TTLL11: variants seen among roughly 807,000 people sequenced by gnomAD.
TTLL11 encodes the protein tubulin polyglutamylase TTLL11.
In TTLL11, 42 loss-of-function variants were observed where a neutral mutation model predicts 51.7. The observed-to-expected ratio is 0.81, with a 90% CI of 0.64 to 1.05. The LOEUF is 1.05. TTLL11 is among the 50% of genes least tolerant of loss of function. The probability of loss-of-function intolerance (pLI) is 0.00; values close to 1 mark genes in which losing one functional copy is unlikely to be tolerated. For synonymous variants in TTLL11, 381 were observed against 383.5 expected (o/e 0.99, Z 0.08); for missense variants, 799 against 940.4 (o/e 0.85, Z 1.97).
At chr9:122,013,488 G>A (rs867290345) in intron 3 of TTLL11, among the ~76,000 whole-genome samples, 4 of 152,168 alleles carry the variant, frequency 2.6e-5, no homozygotes, top group African/African-American at 4.8e-5. Flanking sequence ...AGGAAATGGC[G>A]GCAAGGGCAA....
chr9:121,816,660 ATG>A lies in TTLL11; in HGVS notation c.*5925_*5926del, dbSNP rs1319812211. 7.7e-6 allele frequency: 1 copy of A among 130,572 alleles called. No homozygotes were observed. 8.1% of individuals were successfully genotyped at this position (130,572 alleles called of 1,614,324 possible). A position where few individuals can be genotyped will look rare whatever the true frequency, so the allele number is the denominator to read the frequency against. On this transcript the variant is annotated 3_prime_UTR_variant, in exon 9 of 9. Coordinates refer to ENST00000321582, the MANE Select transcript of TTLL11 (RefSeq NM_001139442.2). ...TGTGCGCGCACATGCGTGTGTGTGC[ATG>A]TGTGCGTGTGTGCATGCGTGTGCAT...
chr9:122,062,603 G>A (rs1360243507), intron 1 of TTLL11, among the ~76,000 whole-genome samples: 1 of 150,650 alleles, frequency 6.6e-6, no homozygotes, highest in Non-Finnish European at 1.5e-5. Flanking sequence ...CAAGTAGCTG[G>A]GTTTACAGGC....
chr9:121,926,991 G>A (rs752900185), intron 6 of TTLL11, among the ~76,000 whole-genome samples: 4 of 152,056 alleles, frequency 2.6e-5, no homozygotes, highest in Admixed American at 6.5e-5. Flanking sequence ...AGGAGCTCTC[G>A]GGCCCCTTTT....
At chr9:121,938,718 T>C (rs897558613) in intron 6 of TTLL11, among the ~76,000 whole-genome samples, 3 of 152,214 alleles carry the variant, frequency 2.0e-5, no homozygotes, top group African/African-American at 7.2e-5. Flanking sequence ...ACCTCATTAA[T>C]GATCACAAGA....
At chr9:121,960,001 T>C (rs1479446760) in intron 6 of TTLL11, among the ~76,000 whole-genome samples, 4 of 152,050 alleles carry the variant, frequency 2.6e-5, no homozygotes, top group Admixed American at 6.5e-5. Context: ...AGCCACCACC[T>C]GGGTTAAGAA....
At chr9:121,842,534 G>A (rs942072990) in intron 8 of TTLL11, among the ~76,000 whole-genome samples, 3 of 152,222 alleles carry the variant, frequency 2.0e-5, no homozygotes, top group Non-Finnish European at 4.4e-5. Context: ...GCCTCCCAAA[G>A]TACAGGCATG....
chr9:121,886,035 T>C (rs1303362882), intron 6 of TTLL11, among the ~76,000 whole-genome samples: 3 of 152,186 alleles, frequency 2.0e-5, no homozygotes, highest in African/African-American at 7.2e-5. Flanking sequence ...AGCCTATAAC[T>C]TTCTTAGGAA....
In TTLL11 at chr9:121,822,488, GGCAGCCTGCCTGCCAT is replaced by G; in HGVS notation, c.*83_*98del. On this transcript the variant is annotated 3_prime_UTR_variant, in exon 9 of 9. Transcript: ENST00000321582. The surrounding 1 kb of genome is among the most constrained non-coding windows in gnomAD (Gnocchi z 5.8). Reference sequence around the variant, plus strand: ...CGTGGGGACCTCAGCTGGGCCCCTCGGCAGCCTGCCTGCCATTCCTCTGCAGGCAGAATGCCTGGGG... The same window carrying G: ...CGTGGGGACCTCAGCTGGGCCCCTCGTCCTCTGCAGGCAGAATGCCTGGGG... 8.2e-7 allele frequency: 1 copy of G among 1,216,620 alleles called. No homozygotes were observed. The highest frequency in any genetic ancestry group is 1.1e-6 in the Non-Finnish European group (1 of 910,116). 75.4% of individuals were successfully genotyped at this position (1,216,620 alleles called of 1,614,324 possible).
chr9:121,870,359 G>A, intron 7 of TTLL11, 138 bp downstream of exon 7: 1 of 1,130,404 alleles, frequency 8.8e-7, no homozygotes, highest in Non-Finnish European at 1.2e-6. Flanking sequence ...CAGCCACTAG[G>A]CTAATCCAAG....
At chr9:121,931,584 T>TAAAA (rs757552624) in intron 6 of TTLL11, among the ~76,000 whole-genome samples, 2 of 130,742 alleles carry the variant, frequency 1.5e-5, no homozygotes, top group African/African-American at 6.3e-5. Context: ...TTCTACTATT[T>TAAAA]AAAAAAAAAA....
In TTLL11 at chr9:121,985,468, AAAGT is replaced by A. The variant is rs1434359006; in HGVS notation, c.1269+3723_1269+3726del. Among the ~76,000 whole-genome samples the A allele has an allele frequency of 1.9e-4, 29 of 149,724 alleles. No homozygotes were observed. The South Asian group carries it at 5.8e-3, about 30-fold the overall frequency. Reference sequence around the variant, plus strand: ...AAGTGTTCTTACAAGTGATAAGAATAAAGTAAGAGAGGGCTCCAAGGAGAAAAGG... The same window carrying A: ...AAGTGTTCTTACAAGTGATAAGAATAAAGAGAGGGCTCCAAGGAGAAAAGG... On this transcript the variant is annotated intron_variant, in intron 4 of 8. Transcript: ENST00000321582.
chr9:122,093,068 T>C lies in TTLL11; in HGVS notation c.81A>G (p.Lys27=), dbSNP rs780063168. 6 of 1,389,546 alleles carry C rather than the reference T, an allele frequency of 4.3e-6. No homozygotes were observed. The highest frequency in any genetic ancestry group is 5.8e-6 in the Non-Finnish European group (6 of 1,029,666). 86.1% of individuals were successfully genotyped at this position (1,389,546 alleles called of 1,614,324 possible). A position where few individuals can be genotyped will look rare whatever the true frequency, so the allele number is the denominator to read the frequency against. ...EAVAAAKAAA[K]AEAEATAETV... ...TCTCCGCTGTGGCCTCGGCCTCAGC[T>C]TTGGCCGCCGCTTTGGCCGCAGCCA... Residue 27 remains lysine, a synonymous_variant, in exon 1 of 9, where the codon AAA becomes AAG. Coordinates refer to ENST00000321582, the MANE Select transcript of TTLL11 (RefSeq NM_001139442.2).
intron 1 of TTLL11, among the ~76,000 whole-genome samples, chr9:122,055,329 C>G (rs375985352): frequency 5.3e-5 from 8 of 152,192 alleles, no homozygotes; most frequent in African/African-American, 1.9e-4. Context: ...GAAGCCAGAC[C>G]GAATCCCAAA....
chr9:121,826,513 ATGTATATATATATATGTGTG>A (rs1836789590), intron 8 of TTLL11, among the ~76,000 whole-genome samples: 7 of 89,164 alleles, frequency 7.9e-5, no homozygotes, highest in Admixed American at 1.1e-4. Flanking sequence ...ATATATATAT[ATGTATATATATATATGTGTG>A]TGTGTATATA....
intron 3 of TTLL11, among the ~76,000 whole-genome samples, chr9:122,016,868 C>T (rs550457531): frequency 5.3e-5 from 8 of 152,228 alleles, no homozygotes; most frequent in African/African-American, 1.9e-4. Flanking sequence ...GATGGAAGAC[C>T]ATATGCAAAA....
At chr9:122,045,529 C>T (rs750439738) in intron 1 of TTLL11, among the ~76,000 whole-genome samples, 9 of 151,906 alleles carry the variant, frequency 5.9e-5, no homozygotes, top group African/African-American at 9.7e-5. Context: ...CCAGCCTGGG[C>T]GATAGAGTGA....
At chr9:122,003,707 G>A (rs1217896355) in intron 3 of TTLL11, among the ~76,000 whole-genome samples, 3 of 150,636 alleles carry the variant, frequency 2.0e-5, no homozygotes, top group Middle Eastern at 3.4e-3. Context: ...GGCTGGTCTC[G>A]AACTCCTGAC....
intron 7 of TTLL11, among the ~76,000 whole-genome samples, chr9:121,863,042 C>G (rs1838064419): frequency 1.3e-5 from 2 of 152,276 alleles, no homozygotes; most frequent in South Asian, 4.2e-4. Flanking sequence ...CCCTTCCTCC[C>G]TCCTCCCTTT....
At chr9:121,904,323 C>T (rs189518658) in intron 6 of TTLL11, among the ~76,000 whole-genome samples, 8 of 152,258 alleles carry the variant, frequency 5.3e-5, no homozygotes, top group Admixed American at 3.9e-4. Flanking sequence ...ACTATAGGCA[C>T]GCACCACCAC....
Sources: gnomAD v4.1 joint callset for allele counts (sites outside exome capture counted in the v4.1 genomes callset) on GRCh38, gnomAD v4.1.1 for gene constraint, Gnocchi (gnomAD v3.1) non-coding constraint, MANE v1.5 for transcripts, NCBI Gene and HGNC (gene_info 2026-07-23, HGNC 2026-07-21) for gene names.